The following SPARCL1 variants were observed in gnomAD, a reference collection of about 807,000 sequenced individuals.
The protein encoded by SPARCL1 is SPARC like 1.
In SPARCL1, 52 loss-of-function variants were observed where a neutral mutation model predicts 67.1. The ratio of observed to expected loss-of-function variants is 0.78; its 90% CI spans 0.62 to 0.98. The LOEUF (loss-of-function observed/expected upper bound fraction) is 0.98, where lower values mean the gene tolerates loss of function less well. Ranked by LOEUF, SPARCL1 falls within the 50% of genes least tolerant of loss-of-function variation. The pLI is 0.00. For missense variants in SPARCL1, 717 were observed against 782.4 expected, an observed-to-expected ratio of 0.92 and a Z score of 1.00; for synonymous variants, 226 against 267.8, an observed-to-expected ratio of 0.84 and a Z score of 1.52.
At chr4:87,507,662 C>T (rs929692858) in intron 1 of SPARCL1, among the ~76,000 whole-genome samples, 10 of 152,200 alleles carry the variant, frequency 6.6e-5, no homozygotes, top group Admixed American at 5.9e-4. Flanking sequence ...AACTCTGCAG[C>T]AGGCACCAGC....
intron 1 of SPARCL1, among the ~76,000 whole-genome samples, chr4:87,508,004 G>A (rs755640840): frequency 5.3e-5 from 8 of 152,176 alleles, no homozygotes; most frequent in Non-Finnish European, 8.8e-5. Context: ...AGCCCTCCCC[G>A]GAACACACCC....
chr4:87,486,219 C>G (rs901707926), intron 7 of SPARCL1, among the ~76,000 whole-genome samples: 28 of 152,256 alleles, frequency 1.8e-4, no homozygotes, highest in African/African-American at 6.7e-4. Flanking sequence ...ATATATTTCC[C>G]TCTAAACAGT....
intron 7 of SPARCL1, among the ~76,000 whole-genome samples, chr4:87,487,999 C>T (rs899760832): frequency 6.6e-6 from 1 of 152,110 alleles, no homozygotes; most frequent in African/African-American, 2.4e-5. Context: ...TTCCTCTAAC[C>T]TTTTTTCAAG....
At chr4:87,506,160 G>T (rs1211365397) in intron 1 of SPARCL1, among the ~76,000 whole-genome samples, 3 of 152,172 alleles carry the variant, frequency 2.0e-5, no homozygotes, top group African/African-American at 4.8e-5. Context: ...AGAACCATTG[G>T]TTTAGCGGAA....
At chr4:87,524,667 G>A (rs903500002) in intron 1 of SPARCL1, among the ~76,000 whole-genome samples, 1 of 152,106 alleles carries the variant, frequency 6.6e-6, no homozygotes, top group Non-Finnish European at 1.5e-5. Flanking sequence ...AGATGGATTT[G>A]AGACTGTGCT....
intron 1 of SPARCL1, 88 bp from the exon 2 acceptor site, chr4:87,499,673 T>C: frequency 1.1e-6 from 1 of 934,830 alleles, no homozygotes; most frequent in African/African-American, 1.7e-5. Flanking sequence ...CTGAGCTTGA[T>C]ATTGTCCTTG....
At chr4:87,492,427 A>G (rs1724388801) in intron 4 of SPARCL1, among the ~76,000 whole-genome samples, 1 of 152,070 alleles carries the variant, frequency 6.6e-6, no homozygotes, top group Non-Finnish European at 1.5e-5. Context: ...CAAAAAAAAA[A>G]AAAAAAGAAA....
At chr4:87,523,634 T>C (rs1314428530) in intron 1 of SPARCL1, among the ~76,000 whole-genome samples, 6 of 152,208 alleles carry the variant, frequency 3.9e-5, no homozygotes, top group African/African-American at 1.4e-4. Flanking sequence ...CCAGTGAACA[T>C]ACACATTGGT....
At chr4:87,477,515 T>C (rs1284915433) in intron 10 of SPARCL1, among the ~76,000 whole-genome samples, 1 of 152,156 alleles carries the variant, frequency 6.6e-6, no homozygotes, top group African/African-American at 2.4e-5. Context: ...CTTCTGAGGT[T>C]AGGTTATAAA....
At chr4:87,516,741 C>G (rs1016172313) in intron 1 of SPARCL1, among the ~76,000 whole-genome samples, 1 of 152,154 alleles carries the variant, frequency 6.6e-6, no homozygotes, top group Non-Finnish European at 1.5e-5. Context: ...CTTGCTCAGG[C>G]GAAACTAGTC....
intron 6 of SPARCL1, 97 bp downstream of exon 6, chr4:87,490,663 A>C: frequency 1.2e-6 from 1 of 840,598 alleles, no homozygotes; most frequent in African/African-American, 1.7e-5. Context: ...TAACCTAGGT[A>C]TCTACCTTTT....
chr4:87,528,173 T>G (rs1005339928), intron 1 of SPARCL1: 1 of 145,558 alleles, frequency 6.9e-6, no homozygotes, highest in East Asian at 2.0e-4. Context: ...TAAAAGCATG[T>G]TTTTTTTTCT....
At chr4:87,492,881 T>C (rs545837760) in intron 4 of SPARCL1, among the ~76,000 whole-genome samples, 9 of 152,340 alleles carry the variant, frequency 5.9e-5, no homozygotes, top group Admixed American at 3.3e-4. Flanking sequence ...ATCATTTTGG[T>C]ATGTGTTTGC....
intron 7 of SPARCL1, among the ~76,000 whole-genome samples, chr4:87,488,326 A>G (rs1289589209): frequency 6.6e-6 from 1 of 151,864 alleles, no homozygotes; most frequent in Non-Finnish European, 1.5e-5. Context: ...CTTTCTGTTC[A>G]TTAGTTTTCC....
chr4:87,487,820 C>T (rs1724136817), intron 7 of SPARCL1, among the ~76,000 whole-genome samples: 1 of 152,230 alleles, frequency 6.6e-6, no homozygotes, highest in African/African-American at 2.4e-5. Context: ...CTAATCTTGT[C>T]TTCATGCTTT....
At position 87,490,378 on chromosome 4, in the gene SPARCL1, T is replaced by C; in HGVS notation, c.1426A>G (p.Asn476Asp). 6.2e-7 allele frequency: 1 copy of C among 1,609,780 alleles called. No individual in the cohort carries two copies. The highest frequency in any genetic ancestry group is 8.5e-7 in the Non-Finnish European group (1 of 1,178,736). ...KPLDQVCGTD[N>D]QTYASSCHLF... ...TGACAGGAACTAGCATAGGTCTGATTGTCAGTGCCACAAACCTATGGAAGA... is the reference window on the plus strand; with the variant it reads ...TGACAGGAACTAGCATAGGTCTGATCGTCAGTGCCACAAACCTATGGAAGA... The change falls in exon 7 of 11, where the codon AAT becomes GAT. Residue 476 changes from asparagine to aspartate, a missense_variant. Asn to Asp is a conservative substitution (Grantham distance 23, BLOSUM62 1). Coordinates refer to ENST00000282470, the MANE Select transcript of SPARCL1 (RefSeq NM_004684.6).
At chr4:87,501,757 A>G (rs1393159890) in intron 1 of SPARCL1, among the ~76,000 whole-genome samples, 1 of 152,082 alleles carries the variant, frequency 6.6e-6, no homozygotes, top group African/African-American at 2.4e-5. Flanking sequence ...GGAAATTTAT[A>G]TATTTCAGTT....
At chr4:87,511,683 G>A (rs993153990) in intron 1 of SPARCL1, among the ~76,000 whole-genome samples, 1 of 152,068 alleles carries the variant, frequency 6.6e-6, no homozygotes, top group Non-Finnish European at 1.5e-5. Context: ...AAGCAAACAA[G>A]GTCAGGAAAT....
intron 1 of SPARCL1, 25 bp from the exon 2 acceptor site, chr4:87,499,610 A>G: frequency 6.4e-7 from 1 of 1,556,252 alleles, no homozygotes; most frequent in Non-Finnish European, 8.7e-7. Context: ...GATAATTATC[A>G]GTGGCAGGGA....
Sources: gnomAD v4.1 joint callset for allele counts (sites outside exome capture counted in the v4.1 genomes callset) on GRCh38, gnomAD v4.1.1 for gene constraint, MANE v1.5 for transcripts, NCBI Gene and HGNC (gene_info 2026-07-23, HGNC 2026-07-21) for gene names.